The following CGGBP1 variants were observed in gnomAD, a reference collection of about 807,000 sequenced individuals.
CGGBP1 encodes the protein CGG triplet repeat-binding protein 1.
A neutral mutation model predicts 11.4 loss-of-function variants in CGGBP1; 4 were observed. The observed-to-expected ratio is 0.35, with a 90% CI of 0.17 to 0.80. The LOEUF (loss-of-function observed/expected upper bound fraction) is 0.80. CGGBP1 is among the 30% of genes least tolerant of loss of function. The pLI is 0.52. For missense variants in CGGBP1, 135 were observed against 202.1 expected (o/e 0.67, Z 2.01); for synonymous variants, 76 against 74.1 (o/e 1.03, Z -0.13).
chr3:88,113,011 T>C, intron 2 of CGGBP1: 1 of 739,086 alleles, frequency 1.4e-6, no homozygotes, highest in Non-Finnish European at 2.1e-6. Flanking sequence ...AACCAAAATA[T>C]TTTAAGTCAA....
chr3:88,140,345 A>T (rs1707044405), intron 2 of CGGBP1: 2 of 1,613,564 alleles, frequency 1.2e-6, no homozygotes, highest in Non-Finnish European at 1.7e-6. Context: ...AGACAGACTC[A>T]AATCCTAATC....
chr3:88,111,443 T>C (rs1450539550), intron 2 of CGGBP1, among the ~76,000 whole-genome samples: 3 of 151,868 alleles, frequency 2.0e-5, no homozygotes, highest in Non-Finnish European at 4.4e-5. Context: ...TACACAAAGA[T>C]AATGTAATGA....
intron 1 of CGGBP1, among the ~76,000 whole-genome samples, chr3:88,149,339 C>A (rs534068198): frequency 5.3e-5 from 8 of 152,242 alleles, no homozygotes; most frequent in African/African-American, 1.2e-4. Context: ...GGCAATCTGG[C>A]GTCCAGAACC....
chr3:88,086,138 G>A, intron 2 of CGGBP1: 2 of 794,062 alleles, frequency 2.5e-6, no homozygotes, highest in Non-Finnish European at 1.9e-6. Flanking sequence ...CCTCCCTCCA[G>A]TCACCTGTGT....
At chr3:88,104,517 G>A (rs1305078048) in intron 2 of CGGBP1, among the ~76,000 whole-genome samples, 3 of 152,146 alleles carry the variant, frequency 2.0e-5, no homozygotes, top group Non-Finnish European at 4.4e-5. Context: ...CCAGATGCCA[G>A]GAATAAAGCA....
chr3:88,105,844 G>A (rs1292693334), intron 2 of CGGBP1, among the ~76,000 whole-genome samples: 2 of 152,140 alleles, frequency 1.3e-5, no homozygotes, highest in East Asian at 3.9e-4. Flanking sequence ...AATTTAATTG[G>A]AATTGTAACA....
chr3:88,060,048 C>G (rs895899842), upstream of CGGBP1, among the ~76,000 whole-genome samples: 1 of 151,750 alleles, frequency 6.6e-6, no homozygotes, highest in Non-Finnish European at 1.5e-5. Context: ...CTCCAGTTGG[C>G]GTAGACGCTG....
intron 2 of CGGBP1, among the ~76,000 whole-genome samples, chr3:88,088,163 G>A (rs1708434447): frequency 6.6e-6 from 1 of 152,100 alleles, no homozygotes; most frequent in Admixed American, 6.5e-5. Context: ...AGATTTCTCA[G>A]TGAGACTACT....
chr3:88,067,599 G>A (rs767029044), intron 2 of CGGBP1, among the ~76,000 whole-genome samples: 1 of 152,212 alleles, frequency 6.6e-6, no homozygotes, highest in Admixed American at 6.5e-5. Flanking sequence ...GAAACCCAGA[G>A]AACTGTGGTG....
intron 2 of CGGBP1, among the ~76,000 whole-genome samples, chr3:88,116,350 G>A (rs112691304): frequency 0.011 from 1,736 of 151,928 alleles, 24 homozygotes; most frequent in African/African-American, 0.038. Context: ...GAGAAAACTC[G>A]TCCCTACTAA....
At chr3:88,082,651 G>A (rs983715727) in intron 2 of CGGBP1, among the ~76,000 whole-genome samples, 15 of 152,128 alleles carry the variant, frequency 9.9e-5, no homozygotes, top group Admixed American at 1.3e-4. Context: ...GTTAATAGGG[G>A]TTTAGATATG....
intron 2 of CGGBP1, among the ~76,000 whole-genome samples, chr3:88,097,904 A>T (rs1200683093): frequency 1.3e-5 from 2 of 152,208 alleles, no homozygotes; most frequent in Admixed American, 6.5e-5. Flanking sequence ...TTGACACCCT[A>T]ATATCACAAT....
intron 2 of CGGBP1, among the ~76,000 whole-genome samples, chr3:88,123,126 G>C (rs1705880630): frequency 6.6e-6 from 1 of 152,032 alleles, no homozygotes; most frequent in Admixed American, 6.6e-5. Flanking sequence ...TTCACTTCGA[G>C]GTTTTAAATT....
chr3:88,111,613 A>T (rs1276308062), intron 2 of CGGBP1, among the ~76,000 whole-genome samples: 1 of 151,906 alleles, frequency 6.6e-6, no homozygotes, highest in Non-Finnish European at 1.5e-5. Context: ...CATTCTGAAT[A>T]TTTCCAGTTT....
At chr3:88,128,558 T>C (rs759717136) in intron 2 of CGGBP1, among the ~76,000 whole-genome samples, 10 of 152,238 alleles carry the variant, frequency 6.6e-5, no homozygotes, top group Non-Finnish European at 1.5e-4. Context: ...TTTTAAATTT[T>C]GTTTCTGTTA....
At chr3:88,100,851 C>A (rs1704378505) in intron 2 of CGGBP1, among the ~76,000 whole-genome samples, 1 of 152,114 alleles carries the variant, frequency 6.6e-6, no homozygotes, top group Admixed American at 6.6e-5. Context: ...AGGAGATATA[C>A]CTAATGTAAA....
At chr3:88,105,605 A>G (rs1310072558) in intron 2 of CGGBP1, among the ~76,000 whole-genome samples, 1 of 152,206 alleles carries the variant, frequency 6.6e-6, no homozygotes, top group Admixed American at 6.5e-5. Context: ...TGTTCCTTCC[A>G]TAGAGCTTGT....
At chr3:88,133,418 G>A (rs958978518) in intron 2 of CGGBP1, among the ~76,000 whole-genome samples, 2 of 152,088 alleles carry the variant, frequency 1.3e-5, no homozygotes, top group Non-Finnish European at 2.9e-5. Flanking sequence ...AGGTAGGATC[G>A]ATAAAATATA....
intron 2 of CGGBP1, among the ~76,000 whole-genome samples, chr3:88,102,724 G>A (rs1189925985): frequency 6.6e-6 from 1 of 150,452 alleles, no homozygotes; most frequent in African/African-American, 2.4e-5. Flanking sequence ...ACTTCTAACC[G>A]GTTTTACTCA....
Sources: allele counts gnomAD v4.1 joint callset (sites outside exome capture counted in the v4.1 genomes callset), GRCh38; gene constraint gnomAD v4.1.1; transcripts MANE v1.5; gene names NCBI Gene and HGNC (gene_info 2026-07-23, HGNC 2026-07-21).